HS3ST5: variants seen among roughly 807,000 people sequenced by gnomAD.
The protein encoded by HS3ST5 is heparan sulfate-glucosamine 3-sulfotransferase 5.
In HS3ST5, 10 loss-of-function variants were observed where a neutral mutation model predicts 25.4. The ratio of observed to expected loss-of-function variants is 0.39; its 90% CI spans 0.24 to 0.67. HS3ST5 has a LOEUF of 0.67. Ranked by LOEUF, HS3ST5 falls within the 30% of genes least tolerant of loss-of-function variation. HS3ST5 has a pLI of 0.44. For missense variants in HS3ST5, 324 were observed against 420.7 expected, an observed-to-expected ratio of 0.77 and a Z score of 2.01; for synonymous variants, 170 against 162.4, an observed-to-expected ratio of 1.05 and a Z score of -0.36.
intron 2 of HS3ST5, among the ~76,000 whole-genome samples, chr6:114,209,761 G>A (rs1781432760): frequency 6.6e-6 from 1 of 152,104 alleles, no homozygotes; most frequent in African/African-American, 2.4e-5. Flanking sequence ...TCAGAAGGGG[G>A]AAAAAAGAAA....
At chr6:114,299,659 T>C (rs113150545) in intron 1 of HS3ST5, among the ~76,000 whole-genome samples, 3,021 of 152,242 alleles carry the variant, frequency 0.02, 55 homozygotes, top group African/African-American at 0.045. Flanking sequence ...TACGTGACTA[T>C]TGGGGGCAGG....
rs762754576 is a variant in HS3ST5, at chr6:114,058,060, G to C, written c.238C>G (p.Gln80Glu). Residue 80 changes from glutamine (Q) to glutamate (E), a missense_variant, in exon 5 of 5, where the codon CAG becomes GAG. By Grantham distance (29) the Gln-to-Glu change is conservative. Transcript: ENST00000312719. ...EFRKGNASKE[Q>E]VRLHDLVQQL... The stretch of plus-strand genomic sequence containing the variant: ...TGGACCAGGTCATGGAGGCGAACCT[G>C]CTCCTTGGAAGCGTTGCCCTTCCGG... The C allele has an allele frequency of 2.5e-6, 4 of 1,614,208 alleles. No homozygotes were observed. In the East Asian group the frequency reaches 6.7e-5, roughly 27 times the overall value.
chr6:114,269,807 C>G (rs1773561521), intron 1 of HS3ST5, among the ~76,000 whole-genome samples: 1 of 152,138 alleles, frequency 6.6e-6, no homozygotes, highest in South Asian at 2.1e-4. Flanking sequence ...ATCATATAGT[C>G]CAATCCCCTC....
chr6:114,071,858 A>G (rs1773847530), intron 3 of HS3ST5, among the ~76,000 whole-genome samples: 1 of 152,218 alleles, frequency 6.6e-6, no homozygotes, highest in Non-Finnish European at 1.5e-5. Flanking sequence ...TTGTCTCTAT[A>G]GAAGCACATA....
intron 2 of HS3ST5, among the ~76,000 whole-genome samples, chr6:114,178,872 T>C (rs1296334485): frequency 7.0e-6 from 1 of 142,208 alleles, no homozygotes; most frequent in Non-Finnish European, 1.6e-5. Context: ...CTTGAGGGGG[T>C]TAAAAAAAAA....
intron 3 of HS3ST5, among the ~76,000 whole-genome samples, chr6:114,068,593 A>G (rs970342900): frequency 1.3e-5 from 2 of 152,228 alleles, no homozygotes; most frequent in African/African-American, 4.8e-5. Context: ...AATGCTGTTA[A>G]ATCGGGTAGA....
intron 1 of HS3ST5, among the ~76,000 whole-genome samples, chr6:114,286,493 C>T (rs949913143): frequency 2.0e-5 from 3 of 151,776 alleles, no homozygotes; most frequent in Non-Finnish European, 4.4e-5. Flanking sequence ...AATTTAAAAA[C>T]GATTTAAATG....
chr6:114,323,904 T>A (rs898142156), intron 1 of HS3ST5, among the ~76,000 whole-genome samples: 2 of 152,144 alleles, frequency 1.3e-5, no homozygotes, highest in African/African-American at 4.8e-5. Flanking sequence ...GAGGCTGTTT[T>A]AAAGGAACAC....
intron 1 of HS3ST5, among the ~76,000 whole-genome samples, chr6:114,292,216 A>T (rs1774610364): frequency 6.6e-6 from 1 of 152,166 alleles, no homozygotes; most frequent in Non-Finnish European, 1.5e-5. Flanking sequence ...AGAATCTCAG[A>T]CTGGGTAATT....
At chr6:114,200,956 C>A (rs1187871486) in intron 2 of HS3ST5, among the ~76,000 whole-genome samples, 3 of 152,124 alleles carry the variant, frequency 2.0e-5, no homozygotes, top group Non-Finnish European at 4.4e-5. Context: ...TTATTAGATA[C>A]AAGAGATGTT....
rs144143119 is a variant in HS3ST5 at position 114,062,761 on chromosome 6, C to A, written c.85G>T (p.Ala29Ser). 12 of 1,613,510 alleles carry A rather than the reference C, an allele frequency of 7.4e-6. No individual in the cohort carries two copies. Among genetic ancestry groups the A allele is most frequent in the Non-Finnish European group, 1.0e-5 (12 of 1,179,578 alleles). ...LAVGSLLYLV[A>S]RVGSLDRLQP... ...CACCTATCCAAGCTCCCAACTCTGG[C>A]GACTAGATACAGGAGACTCCCAACG... The change falls in exon 4 of 5, where the codon GCC becomes TCC. Residue 29 changes from alanine to serine, a missense_variant. By Grantham distance (99) the Ala-to-Ser change is moderately conservative (BLOSUM62 1). This residue lies in a region of HS3ST5 where 121 missense variants were observed against 117.3 expected (regional missense o/e 1.03). Transcript: ENST00000312719.
At chr6:114,286,477 A>C (rs1172104814) in intron 1 of HS3ST5, among the ~76,000 whole-genome samples, 3 of 152,052 alleles carry the variant, frequency 2.0e-5, no homozygotes, top group Non-Finnish European at 4.4e-5. Flanking sequence ...GTTCTTGCCA[A>C]TATAAAATTT....
At chr6:114,122,537 G>A (rs1016328356) in intron 3 of HS3ST5, among the ~76,000 whole-genome samples, 1 of 152,136 alleles carries the variant, frequency 6.6e-6, no homozygotes, top group African/African-American at 2.4e-5. Flanking sequence ...ATTTAGTTTG[G>A]AACAATTGTG....
intron 3 of HS3ST5, among the ~76,000 whole-genome samples, chr6:114,127,998 C>T (rs980103352): frequency 2.3e-4 from 35 of 151,522 alleles, no homozygotes; most frequent in African/African-American, 8.5e-4. Flanking sequence ...TCTAATACAA[C>T]CATACAGCTG....
At chr6:114,110,428 C>T (rs957968604) in intron 3 of HS3ST5, among the ~76,000 whole-genome samples, 2 of 152,060 alleles carry the variant, frequency 1.3e-5, no homozygotes, top group Non-Finnish European at 2.9e-5. Context: ...GAGCATGACT[C>T]TGTGCCCAGG....
intron 3 of HS3ST5, among the ~76,000 whole-genome samples, chr6:114,072,822 G>A (rs1286402008): frequency 6.6e-6 from 1 of 152,152 alleles, no homozygotes; most frequent in African/African-American, 2.4e-5. Flanking sequence ...TCAAAAAAGA[G>A]CCCACATAGC....
chr6:114,199,532 A>C (rs1359320891), intron 2 of HS3ST5, among the ~76,000 whole-genome samples: 1 of 152,194 alleles, frequency 6.6e-6, no homozygotes, highest in Non-Finnish European at 1.5e-5. Flanking sequence ...ACAGTAAAAA[A>C]ATGTTTATCT....
At chr6:114,108,459 G>A (rs960753529) in intron 3 of HS3ST5, among the ~76,000 whole-genome samples, 2 of 152,154 alleles carry the variant, frequency 1.3e-5, no homozygotes, top group African/African-American at 2.4e-5. Context: ...GCCCGAGGAC[G>A]TATTGCAGGG....
Position 114,210,916 on chromosome 6 carries a change from G to A in HS3ST5, c.-145+17669C>T, listed in dbSNP as rs780480052. Among the ~76,000 whole-genome samples the A allele has an allele frequency of 5.3e-5, 8 of 152,154 alleles. No individual in the cohort carries two copies. In the East Asian group the frequency reaches 1.2e-3, roughly 22 times the overall value. Reference sequence around the variant, plus strand: ...AATATTGAAGACAGTTTTCAGTCCCGCACTATATCTTACCTCCTCCAGGCC... The same window carrying A: ...AATATTGAAGACAGTTTTCAGTCCCACACTATATCTTACCTCCTCCAGGCC... On this transcript the variant is annotated intron_variant, in intron 2 of 4. Transcript: ENST00000312719.
Sources: gnomAD v4.1 joint callset for allele counts (sites outside exome capture counted in the v4.1 genomes callset) on GRCh38, gnomAD v4.1.1 for gene constraint, gnomAD v4.1.1 regional missense constraint, MANE v1.5 for transcripts, NCBI Gene and HGNC (gene_info 2026-07-23, HGNC 2026-07-21) for gene names.